RAB20: variants seen among roughly 807,000 people sequenced by gnomAD.
The protein encoded by RAB20 is ras-related protein Rab-20.
In RAB20, 2 loss-of-function variants were observed where a neutral mutation model predicts 3.7. The observed-to-expected ratio is 0.54, with a 90% CI of 0.22 to 1.69. RAB20 has a LOEUF of 1.69. Among genes scored for constraint, RAB20 ranks in the 40% most tolerant of loss-of-function variants. The pLI is 0.19. For synonymous variants in RAB20, 126 were observed against 130.8 expected (o/e 0.96, Z 0.25); for missense variants, 276 against 311.9 (o/e 0.88, Z 0.87).
chr13:110,528,418 A>AG (rs1234101152), intron 1 of RAB20, among the ~76,000 whole-genome samples: 3 of 151,406 alleles, frequency 2.0e-5, no homozygotes, highest in Non-Finnish European at 4.4e-5. Flanking sequence ...CATCTCAAAA[A>AG]AAAAAAAAAC....
chr13:110,530,771 C>G (rs924937933), intron 1 of RAB20, among the ~76,000 whole-genome samples: 1 of 151,508 alleles, frequency 6.6e-6, no homozygotes, highest in South Asian at 2.1e-4. Flanking sequence ...GACACAGGAC[C>G]CTGGGGAAGT....
At chr13:110,560,424 G>A (rs140416382) in intron 1 of RAB20, among the ~76,000 whole-genome samples, 2,280 of 152,294 alleles carry the variant, frequency 0.015, 31 homozygotes, top group Middle Eastern at 0.058. Context: ...ATACACCCAA[G>A]ATGGCAATTT....
intron 1 of RAB20, among the ~76,000 whole-genome samples, chr13:110,551,141 T>C (rs572867189): frequency 6.6e-6 from 1 of 152,320 alleles, no homozygotes; most frequent in South Asian, 2.1e-4. Context: ...AACATTACAT[T>C]CTATGGAAAA....
intron 1 of RAB20, among the ~76,000 whole-genome samples, chr13:110,550,958 T>C (rs1270277266): frequency 6.6e-6 from 1 of 152,182 alleles, no homozygotes; most frequent in African/African-American, 2.4e-5. Flanking sequence ...ACGCACACAA[T>C]GGCCTATTGT....
At chr13:110,548,955 G>A (rs949418827) in intron 1 of RAB20, among the ~76,000 whole-genome samples, 1 of 152,230 alleles carries the variant, frequency 6.6e-6, no homozygotes, top group Non-Finnish European at 1.5e-5. Context: ...CTCCAGCCAG[G>A]TAAGGGCTGG....
At chr13:110,539,088 C>A (rs2148080) in intron 1 of RAB20, among the ~76,000 whole-genome samples, 1 of 151,954 alleles carries the variant, frequency 6.6e-6, no homozygotes, top group African/African-American at 2.4e-5. Context: ...GATTAGGTGA[C>A]CTTATTTTTT....
At chr13:110,529,069 G>C (rs35691072) in intron 1 of RAB20, among the ~76,000 whole-genome samples, 31,629 of 152,242 alleles carry the variant, frequency 0.21, 3,983 homozygotes, top group East Asian at 0.36. Context: ...CAGTCCCGCA[G>C]GGAACAGAAG....
intron 1 of RAB20, among the ~76,000 whole-genome samples, chr13:110,559,607 A>T (rs1285495898): frequency 6.6e-6 from 1 of 152,188 alleles, no homozygotes; most frequent in African/African-American, 2.4e-5. Context: ...CTCTGTTCTG[A>T]GGAGCTCTAG....
intron 1 of RAB20, among the ~76,000 whole-genome samples, chr13:110,558,694 G>GTTTTTTTTT (rs67548367): frequency 2.0e-5 from 1 of 50,892 alleles, no homozygotes; most frequent in African/African-American, 6.3e-5. Flanking sequence ...CTTCCCATCT[G>GTTTTTTTTT]TTTTTTTTTT....
intron 1 of RAB20, among the ~76,000 whole-genome samples, chr13:110,526,011 A>T (rs955345292): frequency 1.3e-5 from 2 of 152,264 alleles, no homozygotes; most frequent in African/African-American, 4.8e-5. Context: ...TGCCGGGGGC[A>T]CGCTTTCGAA....
intron 1 of RAB20, among the ~76,000 whole-genome samples, chr13:110,526,730 C>T (rs1319733813): frequency 6.6e-6 from 1 of 152,216 alleles, no homozygotes; most frequent in East Asian, 1.9e-4. Flanking sequence ...TCATCACCAA[C>T]AGGGCCAGCA....
chr13:110,560,235 G>C (rs115989143), intron 1 of RAB20, among the ~76,000 whole-genome samples: 1 of 152,120 alleles, frequency 6.6e-6, no homozygotes, highest in Non-Finnish European at 1.5e-5. Context: ...TCTTTACCTG[G>C]GGGACATTGT....
intron 1 of RAB20, 45 bp downstream of exon 1, chr13:110,561,303 C>A: frequency 6.6e-7 from 1 of 1,512,296 alleles, no homozygotes; most frequent in Non-Finnish European, 8.8e-7. Context: ...CCCCCGTCCC[C>A]GGCGGAGCCC....
intron 1 of RAB20, among the ~76,000 whole-genome samples, chr13:110,552,732 T>TAAAA (rs1283872361): frequency 2.0e-5 from 3 of 151,288 alleles, no homozygotes; most frequent in East Asian, 1.9e-4. Context: ...AATAAATAAA[T>TAAAA]AAAAATTTCT....
At chr13:110,561,250 G>A (rs1281124288) in intron 1 of RAB20, 98 bp downstream of exon 1, 17 of 1,398,538 alleles carry the variant, frequency 1.2e-5, no homozygotes, top group South Asian at 1.2e-4. Context: ...GTCCGAGGCC[G>A]GGACCCTGTG....
chr13:110,559,856 G>C (rs1423087366), intron 1 of RAB20, among the ~76,000 whole-genome samples: 2 of 152,180 alleles, frequency 1.3e-5, no homozygotes, highest in Non-Finnish European at 2.9e-5. Flanking sequence ...GCACTGCAGG[G>C]CAGCTCTTGT....
At chr13:110,535,800 G>A (rs139206480) in intron 1 of RAB20, among the ~76,000 whole-genome samples, 192 of 152,370 alleles carry the variant, frequency 1.3e-3, no homozygotes, top group African/African-American at 4.3e-3. Context: ...AGCTCCGGCC[G>A]CGCAAGGCCT....
At chr13:110,535,125 C>T (rs1466415594) in intron 1 of RAB20, among the ~76,000 whole-genome samples, 1 of 152,224 alleles carries the variant, frequency 6.6e-6, no homozygotes, top group African/African-American at 2.4e-5. Flanking sequence ...TGAGCCACCA[C>T]GCCCAGCCCA....
chr13:110,537,298 C>A (rs1884663721), intron 1 of RAB20, among the ~76,000 whole-genome samples: 1 of 151,920 alleles, frequency 6.6e-6, no homozygotes, highest in Non-Finnish European at 1.5e-5. Context: ...GCATGAGCTA[C>A]CACGCCCGGC....
Sources: allele counts gnomAD v4.1 joint callset (sites outside exome capture counted in the v4.1 genomes callset), GRCh38; gene constraint gnomAD v4.1.1; transcripts MANE v1.5; gene names NCBI Gene and HGNC (gene_info 2026-07-23, HGNC 2026-07-21).